The following PCDHA12 variants were observed in gnomAD, a reference collection of about 807,000 sequenced individuals.
PCDHA12 encodes the protein protocadherin alpha-12.
PCDHA12 carries 44 observed loss-of-function variants against 60.0 expected under a neutral mutation model. That is an observed-to-expected ratio of 0.73 (90% confidence interval 0.58 to 0.94). The LOEUF is 0.94. PCDHA12 is among the 40% of genes least tolerant of loss of function. The pLI is 0.00. For missense variants in PCDHA12, 1,276 were observed against 1,239.7 expected (o/e 1.03, Z -0.44); for synonymous variants, 569 against 553.0 (o/e 1.03, Z -0.40).
intron 1 of PCDHA12, among the ~76,000 whole-genome samples, chr5:140,939,691 G>A (rs782722243): frequency 3.5e-4 from 53 of 152,250 alleles, no homozygotes; most frequent in African/African-American, 1.2e-3. Context: ...TGTGTTGCTG[G>A]ACATTATCAT....
rs957445106 is a variant in PCDHA12, at chr5:140,980,862, G to A, written c.2427-1613G>A. Among the ~76,000 whole-genome samples the A allele has an allele frequency of 5.1e-4, 77 of 152,202 alleles. 2 individuals are homozygous for A. Among genetic ancestry groups the A allele is most frequent in the African/African-American group, 1.7e-3 (72 of 41,546 alleles). ...AATAATACTAATCTTTTTCGTATGT[G>A]TGCTTGGGTGTTCTCGGTCTTTCCA... On this transcript the variant is annotated intron_variant, in intron 2 of 3. Coordinates refer to ENST00000398631, the MANE Select transcript of PCDHA12 (RefSeq NM_018903.4).
chr5:140,920,559 C>T (rs2153557837), intron 1 of PCDHA12, among the ~76,000 whole-genome samples: 2 of 152,226 alleles, frequency 1.3e-5, no homozygotes, highest in South Asian at 4.1e-4. Context: ...GAAGTGTGGC[C>T]CTTAGGCCAG....
At chr5:140,889,949 A>C (rs1444545834) in intron 1 of PCDHA12, among the ~76,000 whole-genome samples, 1 of 152,202 alleles carries the variant, frequency 6.6e-6, no homozygotes. Flanking sequence ...GAGAAGCCAA[A>C]TGGATAGAAA....
At chr5:140,959,281 G>T (rs1395135880) in intron 1 of PCDHA12, among the ~76,000 whole-genome samples, 2 of 152,044 alleles carry the variant, frequency 1.3e-5, no homozygotes, top group Admixed American at 1.3e-4. Context: ...GGAGCCTGAG[G>T]TGGGAGCATC....
chr5:140,876,039 T>C lies in PCDHA12; in HGVS notation c.567T>C (p.Ser189=). 6.2e-7 allele frequency: 1 copy of C among 1,613,746 alleles called. No homozygotes were observed. The highest frequency in any genetic ancestry group is 8.5e-7 in the Non-Finnish European group (1 of 1,179,854). The change falls in exon 1 of 4, where the codon AGT becomes AGC. Residue 189 remains serine (S), a synonymous_variant. Transcript: ENST00000398631. ...ELKIKTKKDK[S]ILPELVLRKL... The stretch of plus-strand genomic sequence containing the variant: ...AAATAAAAACAAAAAAAGATAAAAG[T>C]ATATTGCCTGAATTAGTTCTTCGGA...
chr5:140,998,664 A>C (rs1204598567), intron 3 of PCDHA12, among the ~76,000 whole-genome samples: 1 of 151,936 alleles, frequency 6.6e-6, no homozygotes, highest in Non-Finnish European at 1.5e-5. Flanking sequence ...TCCTGGGTTC[A>C]AGTGATTCTC....
At chr5:140,958,923 T>C (rs535689053) in intron 1 of PCDHA12, among the ~76,000 whole-genome samples, 1 of 148,814 alleles carries the variant, frequency 6.7e-6, no homozygotes, top group South Asian at 2.1e-4. Flanking sequence ...CTGGGTGTGG[T>C]GGCTCATACT....
intron 1 of PCDHA12, among the ~76,000 whole-genome samples, chr5:140,923,629 G>A (rs1350871926): frequency 6.6e-6 from 1 of 152,138 alleles, no homozygotes; most frequent in Non-Finnish European, 1.5e-5. Flanking sequence ...TTATCCAAAA[G>A]GCAAAAATCT....
intron 1 of PCDHA12, chr5:140,967,136 C>T (rs782698899): frequency 6.8e-6 from 11 of 1,611,568 alleles, no homozygotes; most frequent in Non-Finnish European, 9.3e-6. Context: ...CTTGGAAGTG[C>T]TGGCGCACAA....
intron 3 of PCDHA12, among the ~76,000 whole-genome samples, chr5:141,002,755 T>A (rs894161079): frequency 1.3e-5 from 2 of 152,174 alleles, no homozygotes; most frequent in Non-Finnish European, 2.9e-5. Context: ...GACAACCCTG[T>A]GATGTAGACA....
chr5:140,929,311 A>G lies in PCDHA12; in HGVS notation c.2368-49638A>G, dbSNP rs782099747. The stretch of plus-strand genomic sequence containing the variant: ...TCGGAATAGGAAAGGGGATCACGCT[A>G]ATGTCAATGCCATGGTAAGCAAATT... On this transcript the variant is annotated intron_variant, in intron 1 of 3. Coordinates refer to ENST00000398631, the MANE Select transcript of PCDHA12 (RefSeq NM_018903.4). The G allele has an allele frequency of 1.9e-6, 3 of 1,567,640 alleles. No individual in the cohort carries two copies. The South Asian group carries it at 3.5e-5, about 18-fold the overall frequency.
chr5:140,930,668 T>C (rs2087022080), intron 1 of PCDHA12, among the ~76,000 whole-genome samples: 1 of 152,216 alleles, frequency 6.6e-6, no homozygotes, highest in South Asian at 2.1e-4. Flanking sequence ...GTTTTACTAT[T>C]CTAGGCAATA....
intron 3 of PCDHA12, among the ~76,000 whole-genome samples, chr5:140,988,127 C>T (rs1285717954): frequency 2.0e-5 from 3 of 152,120 alleles, no homozygotes; most frequent in African/African-American, 7.2e-5. Flanking sequence ...GCATGCTGTT[C>T]CACTAACCTG....
chr5:140,915,677 A>C (rs1352514451), intron 1 of PCDHA12, among the ~76,000 whole-genome samples: 4 of 150,138 alleles, frequency 2.7e-5, no homozygotes, highest in African/African-American at 9.8e-5. Flanking sequence ...GCCATCTTGA[A>C]CTAGGGGTAT....
intron 1 of PCDHA12, among the ~76,000 whole-genome samples, chr5:140,889,945 C>A (rs2153428950): frequency 6.6e-6 from 1 of 152,212 alleles, no homozygotes; most frequent in Non-Finnish European, 1.5e-5. Flanking sequence ...TTGTGAGAAG[C>A]CAAATGGATA....
chr5:141,001,867 A>C (rs2153971805), intron 3 of PCDHA12, among the ~76,000 whole-genome samples: 1 of 152,348 alleles, frequency 6.6e-6, no homozygotes, highest in Admixed American at 6.5e-5. Context: ...ATTGATGCCC[A>C]AAACCAAGAA....
chr5:140,994,149 G>A (rs1299780463), intron 3 of PCDHA12, among the ~76,000 whole-genome samples: 2 of 152,174 alleles, frequency 1.3e-5, no homozygotes, highest in Non-Finnish European at 2.9e-5. Context: ...TACGTAGGTA[G>A]GGTCAACGAA....
chr5:141,010,381 T>C lies in PCDHA12; in HGVS notation c.*444T>C. On this transcript the variant is annotated 3_prime_UTR_variant, in exon 4 of 4. Transcript: ENST00000398631. ...ACCGCGGGTATGCGAGTGCCAGATA[T>C]TGGCTGAGACGAGCCAGCTTAGACT... 2.8e-6 allele frequency: 4 copies of C among 1,442,848 alleles called. No homozygotes were observed. The highest frequency in any genetic ancestry group is 2.8e-6 in the Non-Finnish European group (3 of 1,086,990). The allele number at this position is 1,442,848 out of a possible 1,614,324, so 89.4% of individuals were successfully genotyped here.
At chr5:140,910,074 G>T (rs2074869064) in intron 1 of PCDHA12, among the ~76,000 whole-genome samples, 1 of 152,162 alleles carries the variant, frequency 6.6e-6, no homozygotes, top group South Asian at 2.1e-4. Context: ...AGCGTAAATT[G>T]TTGTCAAGGG....
Sources: allele counts gnomAD v4.1 joint callset (sites outside exome capture counted in the v4.1 genomes callset), GRCh38; gene constraint gnomAD v4.1.1; transcripts MANE v1.5; gene names NCBI Gene and HGNC (gene_info 2026-07-23, HGNC 2026-07-21).